The following QTMAN variants were observed in gnomAD, a reference collection of about 807,000 sequenced individuals.
The protein encoded by QTMAN is tRNA-queuosine alpha-mannosyltransferase.
At chr2:144,269,815 TTCC>T in the QTMAN span, among the ~76,000 whole-genome samples, 6 of 151,250 alleles carry the variant, frequency 4.0e-5, no homozygotes, top group Admixed American at 1.3e-4. Context: ...GCTATCCAAC[TTCC>T]TCATTTAGTA....
At chr2:144,035,498 C>T in the QTMAN span, among the ~76,000 whole-genome samples, 74 of 152,168 alleles carry the variant, frequency 4.9e-4, no homozygotes, top group East Asian at 0.013. Flanking sequence ...TTTGAGAAAG[C>T]ATTATATTTT....
At chr2:144,233,227 A>C in the QTMAN span, among the ~76,000 whole-genome samples, 1 of 152,194 alleles carries the variant, frequency 6.6e-6, no homozygotes, top group Non-Finnish European at 1.5e-5. Context: ...ACAAGATTCC[A>C]ACCAATAAAA....
At chr2:143,976,444 C>T in the QTMAN span, among the ~76,000 whole-genome samples, 1 of 152,314 alleles carries the variant, frequency 6.6e-6, no homozygotes, top group African/African-American at 2.4e-5. Flanking sequence ...TGAAATAGCA[C>T]TTCACTTCCA....
At chr2:144,285,444 A>G in the QTMAN span, among the ~76,000 whole-genome samples, 1 of 152,160 alleles carries the variant, frequency 6.6e-6, no homozygotes, top group African/African-American at 2.4e-5. Flanking sequence ...ACATATCTAT[A>G]AGGAAGGGAT....
chr2:144,170,063 T>C, the QTMAN span, among the ~76,000 whole-genome samples: 1 of 152,182 alleles, frequency 6.6e-6, no homozygotes, highest in African/African-American at 2.4e-5. Context: ...TTAACACTTT[T>C]GTAAGTAAAT....
the QTMAN span, among the ~76,000 whole-genome samples, chr2:144,098,351 A>G: frequency 1.8e-4 from 28 of 152,242 alleles, no homozygotes; most frequent in Non-Finnish European, 5.9e-5. Context: ...AGTACATAGA[A>G]GGACGCTGAT....
At chr2:144,315,228 G>A in the QTMAN span, among the ~76,000 whole-genome samples, 5 of 152,138 alleles carry the variant, frequency 3.3e-5, no homozygotes, top group East Asian at 1.9e-4. Context: ...CTTACTTCTC[G>A]AGGATGGCAA....
the QTMAN span, among the ~76,000 whole-genome samples, chr2:143,985,397 A>AT: frequency 2.0e-5 from 3 of 152,218 alleles, no homozygotes; most frequent in Non-Finnish European, 2.9e-5. Context: ...AAGATAAGCC[A>AT]TTTTTTGCAA....
the QTMAN span, among the ~76,000 whole-genome samples, chr2:144,281,174 C>A: frequency 6.7e-6 from 1 of 149,328 alleles, no homozygotes; most frequent in Non-Finnish European, 1.5e-5. Context: ...ATCAATGTTG[C>A]CTGGGAGAGA....
chr2:143,987,558 T>A, the QTMAN span, among the ~76,000 whole-genome samples: 1 of 152,190 alleles, frequency 6.6e-6, no homozygotes, highest in African/African-American at 2.4e-5. Flanking sequence ...ACTGGGGAGT[T>A]CTCTGAGGCA....
chr2:144,295,385 C>T, the QTMAN span: 1 of 152,190 alleles, frequency 6.6e-6, no homozygotes, highest in African/African-American at 2.4e-5. Context: ...CAGTGCCTGT[C>T]ACAAAGCCTG....
At chr2:144,144,556 G>A in the QTMAN span, among the ~76,000 whole-genome samples, 2 of 151,784 alleles carry the variant, frequency 1.3e-5, no homozygotes, top group African/African-American at 4.8e-5. Flanking sequence ...TCAATATAAA[G>A]TATTTTAATT....
the QTMAN span, among the ~76,000 whole-genome samples, chr2:143,984,277 A>G: frequency 6.6e-6 from 1 of 152,244 alleles, no homozygotes; most frequent in South Asian, 2.1e-4. Flanking sequence ...GAACACTAAG[A>G]TATCAAAAAC....
At chr2:143,968,710 A>G in the QTMAN span, among the ~76,000 whole-genome samples, 2 of 152,206 alleles carry the variant, frequency 1.3e-5, 1 homozygote, top group Middle Eastern at 6.8e-3. Context: ...TACAAACAAA[A>G]CTGAACTTAT....
At chr2:144,096,063 CCTTT>C in the QTMAN span, among the ~76,000 whole-genome samples, 1 of 152,156 alleles carries the variant, frequency 6.6e-6, no homozygotes, top group Non-Finnish European at 1.5e-5. Flanking sequence ...CTCTCTCAGC[CCTTT>C]CTTTGTGACA....
chr2:144,180,468 A>G, the QTMAN span, among the ~76,000 whole-genome samples: 1 of 152,190 alleles, frequency 6.6e-6, no homozygotes, highest in Non-Finnish European at 1.5e-5. Context: ...GAGTATTCAG[A>G]GTTTAGCTAC....
chr2:144,246,741 T>C, the QTMAN span, among the ~76,000 whole-genome samples: 2 of 152,200 alleles, frequency 1.3e-5, no homozygotes, highest in African/African-American at 4.8e-5. Flanking sequence ...GTGGACAACC[T>C]GCTGTCACCT....
At chr2:143,961,212 C>T in the QTMAN span, among the ~76,000 whole-genome samples, 33 of 152,144 alleles carry the variant, frequency 2.2e-4, no homozygotes, top group Non-Finnish European at 4.1e-4. Flanking sequence ...TATTCATACT[C>T]ATTCCCTGTT....
the QTMAN span, among the ~76,000 whole-genome samples, chr2:144,067,638 G>C: frequency 6.6e-6 from 1 of 152,186 alleles, no homozygotes; most frequent in Non-Finnish European, 1.5e-5. Context: ...AAGCATTAGG[G>C]AGCTGTGTCT....
Sources: gnomAD v4.1 joint callset for allele counts (sites outside exome capture counted in the v4.1 genomes callset) on GRCh38, gnomAD v4.1.1 for gene constraint, MANE v1.5 for transcripts, NCBI Gene and HGNC (gene_info 2026-07-23, HGNC 2026-07-21) for gene names.